The following MTMR7 variants were observed in gnomAD, a reference collection of about 807,000 sequenced individuals.
MTMR7 encodes the protein myotubularin related protein 7.
Under a neutral mutation model 81.2 loss-of-function variants are expected in MTMR7, and 76 were observed. The ratio of observed to expected loss-of-function variants is 0.94; its 90% CI spans 0.78 to 1.13. MTMR7 has a LOEUF of 1.13. Ranked by LOEUF, MTMR7 falls within the 50% of genes most tolerant of loss-of-function variation. The pLI is 0.00. For synonymous variants in MTMR7, 372 were observed against 289.8 expected, an observed-to-expected ratio of 1.28 and a Z score of -2.88; for missense variants, 1,044 against 820.0, an observed-to-expected ratio of 1.27 and a Z score of -3.34.
At chr8:17,379,301 A>C (rs968241336) in intron 1 of MTMR7, among the ~76,000 whole-genome samples, 6 of 152,276 alleles carry the variant, frequency 3.9e-5, no homozygotes, top group Non-Finnish European at 5.9e-5. Context: ...ACTCTTTGCC[A>C]AAGTGGGGTT....
intron 10 of MTMR7, among the ~76,000 whole-genome samples, chr8:17,309,024 T>A (rs1548352): frequency 0.6 from 91,889 of 152,080 alleles, 28,245 homozygotes; most frequent in African/African-American, 0.66. Flanking sequence ...TGATCCTCAC[T>A]AAGACAATGA....
intron 7 of MTMR7, among the ~76,000 whole-genome samples, chr8:17,323,006 G>A (rs1415637834): frequency 1.4e-5 from 2 of 144,254 alleles, no homozygotes; most frequent in Non-Finnish European, 3.0e-5. Flanking sequence ...GGAGTGCAGT[G>A]GTGTGATCTC....
At chr8:17,378,858 C>A (rs1205309895) in intron 1 of MTMR7, among the ~76,000 whole-genome samples, 1 of 152,088 alleles carries the variant, frequency 6.6e-6, no homozygotes, top group Non-Finnish European at 1.5e-5. Flanking sequence ...TCACTGATGT[C>A]TTAGATTTGT....
In MTMR7 at chr8:17,299,058, C is replaced by A. The variant is rs778468952; in HGVS notation, c.*804G>T. 3.9e-5 allele frequency: 6 copies of A among 152,186 alleles called. No individual in the cohort carries two copies. The highest frequency in any genetic ancestry group is 8.8e-5 in the Non-Finnish European group (6 of 68,032). The allele number at this position is 152,186 out of a possible 1,614,324, so 9.4% of individuals were successfully genotyped here. On this transcript the variant is annotated 3_prime_UTR_variant, in exon 14 of 14. Transcript: ENST00000180173. ...AGATCAGGCTGGTGGCTGGCCCACA[C>A]TGTCGGTAGTGTAGTCTCTAGAACA...
chr8:17,376,071 T>A (rs1820576734), intron 1 of MTMR7, among the ~76,000 whole-genome samples: 1 of 152,190 alleles, frequency 6.6e-6, no homozygotes, highest in African/African-American at 2.4e-5. Flanking sequence ...ACCAGTCACA[T>A]CCCAGTTATT....
intron 6 of MTMR7, among the ~76,000 whole-genome samples, chr8:17,340,795 C>T (rs1467881675): frequency 6.6e-6 from 1 of 152,166 alleles, no homozygotes; most frequent in South Asian, 2.1e-4. Context: ...AATCCTACTC[C>T]CTTCTCCATG....
chr8:17,379,639 G>A (rs1017748806), intron 1 of MTMR7, among the ~76,000 whole-genome samples: 5 of 152,046 alleles, frequency 3.3e-5, no homozygotes, highest in Admixed American at 2.6e-4. Flanking sequence ...TAGGAAACAT[G>A]TACTTATTTA....
intron 5 of MTMR7, among the ~76,000 whole-genome samples, chr8:17,345,636 A>C (rs1206289813): frequency 6.6e-6 from 1 of 152,234 alleles, no homozygotes. Context: ...ATTAAAAGTA[A>C]TGGCAAAAAC....
intron 3 of MTMR7, among the ~76,000 whole-genome samples, chr8:17,368,697 G>A (rs542384455): frequency 2.0e-5 from 3 of 152,248 alleles, no homozygotes; most frequent in East Asian, 3.9e-4. Flanking sequence ...ACATTACACT[G>A]TGAACTGCTT....
chr8:17,342,172 T>C (rs1819426485), intron 5 of MTMR7, among the ~76,000 whole-genome samples: 1 of 152,184 alleles, frequency 6.6e-6, no homozygotes, highest in Non-Finnish European at 1.5e-5. Flanking sequence ...CACTGTCAGA[T>C]GACATCTAGA....
chr8:17,319,784 C>A, intron 7 of MTMR7, among the ~76,000 whole-genome samples: 1 of 152,136 alleles, frequency 6.6e-6, no homozygotes. Flanking sequence ...CAGTCTGGCT[C>A]TTAATTAATG....
chr8:17,341,610 G>T, intron 5 of MTMR7, 113 bp from the exon 6 acceptor site: 1 of 1,324,050 alleles, frequency 7.6e-7, no homozygotes, highest in Non-Finnish European at 1.0e-6. Flanking sequence ...GTCCACCTCG[G>T]CTTATGAAAA....
chr8:17,314,276 G>A (rs557386561), intron 7 of MTMR7, among the ~76,000 whole-genome samples: 1 of 152,056 alleles, frequency 6.6e-6, no homozygotes, highest in East Asian at 1.9e-4. Context: ...AGAAATCATA[G>A]ATTTCTTTTT....
intron 1 of MTMR7, among the ~76,000 whole-genome samples, chr8:17,405,835 TACACACAC>T (rs36233628): frequency 0.036 from 4,301 of 120,988 alleles, 76 homozygotes; most frequent in African/African-American, 0.045. Flanking sequence ...CCCAAAACTA[TACACACAC>T]ACACACACAC....
chr8:17,330,818 T>G (rs1818961895), intron 7 of MTMR7, among the ~76,000 whole-genome samples: 1 of 152,214 alleles, frequency 6.6e-6, no homozygotes, highest in Non-Finnish European at 1.5e-5. Context: ...TTGCTTTAAA[T>G]GTAGGATTGC....
intron 7 of MTMR7, among the ~76,000 whole-genome samples, chr8:17,319,804 C>T (rs1189401025): frequency 6.6e-6 from 1 of 152,148 alleles, no homozygotes; most frequent in Non-Finnish European, 1.5e-5. Context: ...GCCTCTCAAC[C>T]TCAGGTTGGT....
intron 1 of MTMR7, among the ~76,000 whole-genome samples, chr8:17,383,732 T>G (rs909710719): frequency 3.3e-5 from 5 of 152,088 alleles, no homozygotes; most frequent in African/African-American, 1.2e-4. Context: ...GTGACCTCCC[T>G]GCTTGCTCAT....
chr8:17,369,646 T>C (rs895098176), intron 3 of MTMR7, among the ~76,000 whole-genome samples: 11 of 128,394 alleles, frequency 8.6e-5, no homozygotes, highest in East Asian at 6.0e-4. Context: ...TTTTTCTTTT[T>C]TTTTTTTTTT....
Position 17,302,429 on chromosome 8 carries a change from A to G in MTMR7, c.1494-149T>C, listed in dbSNP as rs913864810. On this transcript the variant is annotated intron_variant, in intron 12 of 13. Coordinates refer to ENST00000180173, the MANE Select transcript of MTMR7 (RefSeq NM_004686.5). ...CAAAAAAGCCACTACTTAAGGTAAT[A>G]ATTTCATGTTGATGTTTTTTTTCTT... is the stretch of plus-strand genomic sequence containing the variant. 2.5e-6 allele frequency: 2 copies of G among 794,050 alleles called. 1 individual carries two copies. Among genetic ancestry groups the G allele is most frequent in the South Asian group, 4.9e-5 (2 of 40,758 alleles). The allele number at this position is 794,050 out of a possible 1,614,324, so 49.2% of individuals were successfully genotyped here.
Sources: gnomAD v4.1 joint callset for allele counts (sites outside exome capture counted in the v4.1 genomes callset) on GRCh38, gnomAD v4.1.1 for gene constraint, MANE v1.5 for transcripts, NCBI Gene and HGNC (gene_info 2026-07-23, HGNC 2026-07-21) for gene names.